Variants in KIAA0040 observed in about 807,000 individuals in gnomAD.
KIAA0040 encodes KIAA0040, also known as uncharacterized protein KIAA0040.
A neutral mutation model predicts 7.2 loss-of-function variants in KIAA0040; 10 were observed. The observed-to-expected ratio is 1.38, with a 90% CI of 0.85 to 2.34. KIAA0040 has a LOEUF of 2.34. KIAA0040 is among the 30% of genes most tolerant of loss of function. The probability of loss-of-function intolerance (pLI) is 0.00; values close to 1 mark genes in which losing one functional copy is unlikely to be tolerated. For synonymous variants in KIAA0040, 49 were observed against 40.1 expected (o/e 1.22, Z -0.84); for missense variants, 89 against 108.2 (o/e 0.82, Z 0.79).
At chr1:175,184,614 CAT>C (rs1415230613) in intron 1 of KIAA0040, among the ~76,000 whole-genome samples, 7 of 152,196 alleles carry the variant, frequency 4.6e-5, no homozygotes, top group Admixed American at 6.5e-5. Context: ...CAGAAGCACA[CAT>C]GTTTATGAAC....
At chr1:175,192,233 A>G (rs980623667) in intron 1 of KIAA0040, among the ~76,000 whole-genome samples, 1 of 152,244 alleles carries the variant, frequency 6.6e-6, no homozygotes, top group African/African-American at 2.4e-5. Flanking sequence ...TTAGCTCCAG[A>G]GAAAATCTGG....
intron 1 of KIAA0040, among the ~76,000 whole-genome samples, chr1:175,181,058 C>T (rs1002724628): frequency 6.6e-6 from 1 of 151,896 alleles, no homozygotes; most frequent in African/African-American, 2.4e-5. Context: ...TCCTATGTTG[C>T]CCAGGCTGGT....
rs1676485209 is a variant in KIAA0040 at position 175,160,499 on chromosome 1, T to G, written c.*215A>C. On this transcript the variant is annotated 3_prime_UTR_variant, in exon 4 of 4. Transcript: ENST00000423313. ...GGTCTGCAGTAAGGAGCATTGCTATTGGACACATAGCTGCCAAGACAGTAT... is the reference window on the plus strand; with the variant it reads ...GGTCTGCAGTAAGGAGCATTGCTATGGGACACATAGCTGCCAAGACAGTAT... The G allele has an allele frequency of 1.8e-6, 1 of 564,034 alleles. No homozygotes were observed. Among genetic ancestry groups the G allele is most frequent in the South Asian group, 2.2e-5 (1 of 44,494 alleles). 34.9% of individuals were successfully genotyped at this position (564,034 alleles called of 1,614,324 possible). A position where few individuals can be genotyped will look rare whatever the true frequency, so the allele number is the denominator to read the frequency against.
intron 1 of KIAA0040, among the ~76,000 whole-genome samples, chr1:175,182,644 G>A (rs750604847): frequency 6.6e-4 from 101 of 152,334 alleles, no homozygotes; most frequent in African/African-American, 2.3e-3. Flanking sequence ...GACCCTCTCA[G>A]ATGGACCAGC....
chr1:175,170,596 C>T (rs1296501992), intron 2 of KIAA0040, among the ~76,000 whole-genome samples: 1 of 152,140 alleles, frequency 6.6e-6, no homozygotes, highest in Non-Finnish European at 1.5e-5. Flanking sequence ...TGAATTCCTT[C>T]AACACTCGGA....
chr1:175,181,878 T>C (rs1677452144), intron 1 of KIAA0040, among the ~76,000 whole-genome samples: 1 of 152,160 alleles, frequency 6.6e-6, no homozygotes, highest in Non-Finnish European at 1.5e-5. Flanking sequence ...AAGAATCCAG[T>C]CAAAGTGGCC....
intron 2 of KIAA0040, among the ~76,000 whole-genome samples, chr1:175,169,072 A>G (rs1312206458): frequency 2.0e-5 from 3 of 152,242 alleles, no homozygotes. Flanking sequence ...GAGTTAGAAT[A>G]AACTTTTGTT....
At chr1:175,170,282 G>A (rs531819150) in intron 2 of KIAA0040, among the ~76,000 whole-genome samples, 4 of 152,214 alleles carry the variant, frequency 2.6e-5, no homozygotes, top group Non-Finnish European at 5.9e-5. Context: ...GGGCCCTGTG[G>A]GTATGGAAAG....
intron 2 of KIAA0040, among the ~76,000 whole-genome samples, chr1:175,170,230 G>A (rs1676932324): frequency 6.6e-6 from 1 of 152,194 alleles, no homozygotes; most frequent in South Asian, 2.1e-4. Context: ...CTGGACCGTG[G>A]TGAGCATCGT....
rs3208835 is a variant in KIAA0040, at chr1:175,160,819, G to C, written c.195C>G (p.Asn65Lys). ...TCTTCTTCTTCTTCTTCTTCTTCTT[G>C]TTCTTCTCTGGCTGCTGGCCCCTCT... is the stretch of plus-strand genomic sequence containing the variant. ...PGKRGQQPEK[N>K]KKKKKKKKKK... Residue 65 changes from asparagine to lysine, a missense_variant, in exon 4 of 4, where the codon AAC becomes AAG. Coordinates refer to ENST00000423313, the MANE Select transcript of KIAA0040 (RefSeq NM_014656.3). 3.8e-5 allele frequency: 20 copies of C among 531,664 alleles called. No individual in the cohort carries two copies. Among genetic ancestry groups the C allele is most frequent in the Non-Finnish European group, 5.7e-5 (20 of 351,106 alleles). The allele number at this position is 531,664 out of a possible 1,614,324, so 32.9% of individuals were successfully genotyped here. A position where few individuals can be genotyped will look rare whatever the true frequency, so the allele number is the denominator to read the frequency against.
chr1:175,192,817 G>GCCCCCCCCCCCCCCC (rs1558405268), upstream of KIAA0040: 56 of 123,510 alleles, frequency 4.5e-4, no homozygotes, highest in Admixed American at 7.8e-4. Flanking sequence ...CGTGGGAGCC[G>GCCCCCCCCCCCCCCC]CCCGCCCCGC....
At chr1:175,170,444 C>A (rs1676942191) in intron 2 of KIAA0040, among the ~76,000 whole-genome samples, 1 of 152,196 alleles carries the variant, frequency 6.6e-6, no homozygotes, top group Non-Finnish European at 1.5e-5. Context: ...CTGCTCACCA[C>A]CTGTATGATC....
chr1:175,171,949 G>T (rs1677009388), intron 2 of KIAA0040, among the ~76,000 whole-genome samples: 1 of 152,164 alleles, frequency 6.6e-6, no homozygotes, highest in Non-Finnish European at 1.5e-5. Flanking sequence ...TTGTCTCAAG[G>T]ATGATACCAG....
At chr1:175,176,949 G>A (rs1329294723) in intron 2 of KIAA0040, among the ~76,000 whole-genome samples, 1 of 152,080 alleles carries the variant, frequency 6.6e-6, no homozygotes, top group Non-Finnish European at 1.5e-5. Context: ...GATTGCAGGG[G>A]GGTATCCCAT....
intron 2 of KIAA0040, among the ~76,000 whole-genome samples, chr1:175,168,680 C>T (rs1026148960): frequency 7.2e-5 from 11 of 152,200 alleles, no homozygotes; most frequent in Non-Finnish European, 1.5e-4. Context: ...GGAGATCACC[C>T]AGCTGGTGAC....
In KIAA0040 at chr1:175,157,304, G is replaced by A. The variant is rs1676315535; in HGVS notation, c.*3410C>T. On this transcript the variant is annotated 3_prime_UTR_variant, in exon 4 of 4. Transcript: ENST00000423313. ...ACATCAGTATATTTTTCCTGTAGCT[G>A]GCACCTTTGAGGGAGTCTGGTCTCC... 1 of 152,196 alleles carries A rather than the reference G, an allele frequency of 6.6e-6. No homozygotes were observed. The allele number at this position is 152,196 out of a possible 1,614,324, so 9.4% of individuals were successfully genotyped here. A position where few individuals can be genotyped will look rare whatever the true frequency, so the allele number is the denominator to read the frequency against.
At chr1:175,162,809 T>G (rs1676599317) in intron 3 of KIAA0040, among the ~76,000 whole-genome samples, 1 of 152,204 alleles carries the variant, frequency 6.6e-6, no homozygotes, top group Non-Finnish European at 1.5e-5. Flanking sequence ...CACCCTCTCA[T>G]GGCATTATTT....
At chr1:175,176,942 T>C (rs1301756233) in intron 2 of KIAA0040, among the ~76,000 whole-genome samples, 4 of 152,172 alleles carry the variant, frequency 2.6e-5, no homozygotes, top group Non-Finnish European at 5.9e-5. Flanking sequence ...AGCTGGGGAT[T>C]GCAGGGGGGT....
intron 1 of KIAA0040, among the ~76,000 whole-genome samples, chr1:175,180,412 G>A (rs2179036): frequency 0.014 from 2,104 of 152,262 alleles, 50 homozygotes; most frequent in African/African-American, 0.049. Context: ...AAAAGATCAT[G>A]TGCCAATTCC....
Sources: gnomAD v4.1 joint callset for allele counts (sites outside exome capture counted in the v4.1 genomes callset) on GRCh38, gnomAD v4.1.1 for gene constraint, MANE v1.5 for transcripts, NCBI Gene and HGNC (gene_info 2026-07-23, HGNC 2026-07-21) for gene names.